PRTFDC1: variants seen among roughly 807,000 people sequenced by gnomAD.
PRTFDC1 encodes the protein phosphoribosyltransferase domain-containing protein 1.
Under a neutral mutation model 34.6 loss-of-function variants are expected in PRTFDC1, and 38 were observed. The observed-to-expected ratio is 1.10, with a 90% CI of 0.85 to 1.44. The LOEUF (loss-of-function observed/expected upper bound fraction) is 1.44, where lower values mean the gene tolerates loss of function less well. Among genes scored for constraint, PRTFDC1 ranks in the 40% most tolerant of loss-of-function variants. The pLI, the probability that PRTFDC1 is intolerant of heterozygous loss-of-function variation, is 0.00. For missense variants in PRTFDC1, 270 were observed against 283.0 expected (o/e 0.95, Z 0.33); for synonymous variants, 93 against 98.1 (o/e 0.95, Z 0.31).
At chr10:24,913,024 A>C (rs182087416) in intron 3 of PRTFDC1, among the ~76,000 whole-genome samples, 119 of 152,350 alleles carry the variant, frequency 7.8e-4, no homozygotes, top group African/African-American at 2.7e-3. Context: ...ATTTTTCGAA[A>C]TCAGATTTGA....
chr10:24,924,502 AGC>A (rs1483956271), intron 3 of PRTFDC1, among the ~76,000 whole-genome samples: 1 of 152,232 alleles, frequency 6.6e-6, no homozygotes, highest in Non-Finnish European at 1.5e-5. Context: ...GCTTCTGCAC[AGC>A]AAAAGAAACT....
chr10:24,860,359 T>A (rs1012435152), intron 4 of PRTFDC1, among the ~76,000 whole-genome samples: 1 of 152,072 alleles, frequency 6.6e-6, no homozygotes, highest in East Asian at 1.9e-4. Flanking sequence ...CCAGCCTGGA[T>A]GACAGGGTGA....
intron 3 of PRTFDC1, among the ~76,000 whole-genome samples, chr10:24,880,339 G>A (rs1451274551): frequency 6.6e-6 from 1 of 150,394 alleles, no homozygotes; most frequent in Admixed American, 6.7e-5. Context: ...TGCAACCTCT[G>A]CCTCCTGGGC....
intron 4 of PRTFDC1, among the ~76,000 whole-genome samples, chr10:24,860,129 C>T (rs1028854175): frequency 1.3e-5 from 2 of 152,110 alleles, no homozygotes; most frequent in African/African-American, 4.8e-5. Flanking sequence ...TCTGTAATCC[C>T]AGCACTTTAG....
At chr10:24,928,736 G>A (rs1458743909) in intron 3 of PRTFDC1, among the ~76,000 whole-genome samples, 1 of 151,622 alleles carries the variant, frequency 6.6e-6, no homozygotes, top group Non-Finnish European at 1.5e-5. Flanking sequence ...GAGCCACCGT[G>A]CCAAGAAAAA....
At chr10:24,866,360 CAAAAAAAAAAAAAAAAAA>C (rs372329425) in intron 4 of PRTFDC1, among the ~76,000 whole-genome samples, 1 of 51,810 alleles carries the variant, frequency 1.9e-5, no homozygotes, top group South Asian at 7.0e-4. Context: ...GATTCTGCCT[CAAAAAAAAAAAAAAAAAA>C]AAGAAAAAAA....
chr10:24,891,104 G>T (rs1271411210), intron 3 of PRTFDC1, among the ~76,000 whole-genome samples: 2 of 152,168 alleles, frequency 1.3e-5, no homozygotes, highest in African/African-American at 4.8e-5. Context: ...ACCCAATTTT[G>T]TATTTACTGA....
At chr10:24,870,034 A>C (rs1847847461) in intron 4 of PRTFDC1, among the ~76,000 whole-genome samples, 1 of 152,216 alleles carries the variant, frequency 6.6e-6, no homozygotes, top group Non-Finnish European at 1.5e-5. Flanking sequence ...CAGGCAAATA[A>C]AAAATAAGCC....
At chr10:24,885,391 T>C (rs1174178564) in intron 3 of PRTFDC1, among the ~76,000 whole-genome samples, 1 of 152,198 alleles carries the variant, frequency 6.6e-6, no homozygotes. Flanking sequence ...TGCAAAAAGT[T>C]ACCTAGATGT....
In PRTFDC1 at chr10:24,856,986, C is replaced by T. The variant is rs145142862; in HGVS notation, c.433G>A (p.Gly145Arg). The T allele has an allele frequency of 8.2e-4, 1,320 of 1,612,846 alleles. 2 individuals carry two copies. Among genetic ancestry groups the T allele is most frequent in the Non-Finnish European group, 9.7e-4 (1,149 of 1,178,872 alleles). The part of the protein sequence containing the change: ...KNVLIVEDVV[G>R]TGRTMKALLS... ...AGTGCTTTCATGGTCCTCCCAGTTC[C>T]GACAACATCCTTTGCAAAAAGGACA... The change falls in exon 6 of 9, where the codon GGA becomes AGA. Residue 145 changes from glycine to arginine, a missense_variant. Coordinates refer to ENST00000320152, the MANE Select transcript of PRTFDC1 (RefSeq NM_020200.7).
At chr10:24,937,872 C>G (rs867510703) in intron 2 of PRTFDC1, among the ~76,000 whole-genome samples, 1 of 151,688 alleles carries the variant, frequency 6.6e-6, no homozygotes, top group Admixed American at 6.6e-5. Context: ...TTACTGAATT[C>G]TAAAGAAGAC....
intron 8 of PRTFDC1, among the ~76,000 whole-genome samples, chr10:24,850,537 C>T (rs1437237978): frequency 7.2e-5 from 11 of 152,014 alleles, no homozygotes; most frequent in Admixed American, 5.9e-4. Context: ...GAGGCTGAGG[C>T]GGGAGGATCG....
intron 3 of PRTFDC1, among the ~76,000 whole-genome samples, chr10:24,893,434 G>A (rs532442493): frequency 5.3e-5 from 8 of 152,108 alleles, no homozygotes; most frequent in Admixed American, 4.6e-4. Flanking sequence ...GACTACAGGC[G>A]AGTGCCACCA....
At chr10:24,941,769 T>C (rs1019314607) in intron 2 of PRTFDC1, among the ~76,000 whole-genome samples, 1 of 152,214 alleles carries the variant, frequency 6.6e-6, no homozygotes, top group African/African-American at 2.4e-5. Context: ...CTTCCCAAAC[T>C]GGTATTAAGG....
intron 4 of PRTFDC1, among the ~76,000 whole-genome samples, chr10:24,863,875 A>G (rs1057278333): frequency 6.6e-6 from 1 of 151,992 alleles, no homozygotes; most frequent in Non-Finnish European, 1.5e-5. Flanking sequence ...CAGTAGTTTG[A>G]GACCAGCCTG....
rs183704645 is a variant in PRTFDC1 at position 24,923,549 on chromosome 10, C to T, written c.339+13635G>A. On this transcript the variant is annotated intron_variant, in intron 3 of 8. Coordinates refer to ENST00000320152, the MANE Select transcript of PRTFDC1 (RefSeq NM_020200.7). ...GGACCTCCAGCAAACTAAACAGACC[C>T]GCAGCTGAGGGGCCTGTTAGAAGGA... 4.8e-4 allele frequency among the ~76,000 whole-genome samples: 73 copies of T among 152,220 alleles called. 1 individual carries two copies. In the East Asian group the frequency reaches 0.011, roughly 24 times the overall value.
chr10:24,869,095 G>C (rs4748990), intron 4 of PRTFDC1, among the ~76,000 whole-genome samples: 1 of 151,852 alleles, frequency 6.6e-6, no homozygotes, highest in Non-Finnish European at 1.5e-5. Flanking sequence ...GTTAACCATC[G>C]TCGCTCTACA....
chr10:24,899,488 C>A lies in PRTFDC1; in HGVS notation c.340-27425G>T, dbSNP rs539704592. On this transcript the variant is annotated intron_variant, in intron 3 of 8. Coordinates refer to ENST00000320152, the MANE Select transcript of PRTFDC1 (RefSeq NM_020200.7). ...GTTTGAGTGGGACCAAACAGAATGA[C>A]CTGCCACCTCTGACCAACGACCGCA... is the stretch of plus-strand genomic sequence containing the variant. Among the ~76,000 whole-genome samples the A allele has an allele frequency of 1.9e-3, 295 of 152,208 alleles. 2 individuals are homozygous for A. Among genetic ancestry groups the A allele is most frequent in the African/African-American group, 6.8e-3 (282 of 41,512 alleles).
chr10:24,871,108 G>A (rs1458708744), intron 4 of PRTFDC1, among the ~76,000 whole-genome samples: 1 of 147,020 alleles, frequency 6.8e-6, no homozygotes, highest in African/African-American at 2.5e-5. Flanking sequence ...TGGCTCTATA[G>A]CCATCCTATG....
Sources: gnomAD v4.1 joint callset for allele counts (sites outside exome capture counted in the v4.1 genomes callset) on GRCh38, gnomAD v4.1.1 for gene constraint, MANE v1.5 for transcripts, NCBI Gene and HGNC (gene_info 2026-07-23, HGNC 2026-07-21) for gene names.